NCAM1: variants seen among roughly 807,000 people sequenced by gnomAD.
NCAM1 encodes antigen recognized by monoclonal antibody 5.1H11.
In NCAM1, 14 loss-of-function variants were observed where a neutral mutation model predicts 109.8. The observed-to-expected ratio is 0.13, with a 90% CI of 0.08 to 0.20. The LOEUF is 0.20. Among genes scored for constraint, NCAM1 ranks in the 10% least tolerant of loss-of-function variants. The probability of loss-of-function intolerance (pLI) is 1.00; values close to 1 mark genes in which losing one functional copy is unlikely to be tolerated. For synonymous variants in NCAM1, 418 were observed against 442.9 expected, an observed-to-expected ratio of 0.94 and a Z score of 0.70; for missense variants, 774 against 1,109.9, an observed-to-expected ratio of 0.70 and a Z score of 4.30.
chr11:113,146,345 T>C (rs931078035), intron 1 of NCAM1, among the ~76,000 whole-genome samples: 49 of 152,228 alleles, frequency 3.2e-4, no homozygotes, highest in Admixed American at 7.9e-4. Context: ...AATTTTAAGA[T>C]AAAATGGGTA....
chr11:113,248,552 G>A (rs116487705), intron 15 of NCAM1, among the ~76,000 whole-genome samples: 1 of 152,050 alleles, frequency 6.6e-6, no homozygotes, highest in African/African-American at 2.4e-5. Context: ...AGAGTAAGCT[G>A]GGGGGTGAGG....
intron 1 of NCAM1, among the ~76,000 whole-genome samples, chr11:113,014,237 C>T (rs1414686785): frequency 6.6e-6 from 1 of 152,066 alleles, no homozygotes; most frequent in South Asian, 2.1e-4. Context: ...ATAAATAAAA[C>T]AGAGCTGTAC....
Position 112,962,443 on chromosome 11 carries a change from C to T in NCAM1, c.52+779C>T, listed in dbSNP as rs1378827377. 1.3e-5 allele frequency among the ~76,000 whole-genome samples: 2 copies of T among 151,766 alleles called. No individual in the cohort carries two copies. The highest frequency in any genetic ancestry group is 2.1e-4 in the South Asian group (1 of 4,812). On this transcript the variant is annotated intron_variant, in intron 1 of 19. Coordinates refer to ENST00000316851, the MANE Select transcript of NCAM1 (RefSeq NM_181351.5). The surrounding 1 kb of genome is among the most constrained non-coding windows in gnomAD (Gnocchi z 5.6). ...CGTGATTGGGGCTGCCTGGTGTGTGCGCGCGCGTGTGCGCGCGTGTGTCTT... is the reference window on the plus strand; with the variant it reads ...CGTGATTGGGGCTGCCTGGTGTGTGTGCGCGCGTGTGCGCGCGTGTGTCTT...
chr11:113,125,367 A>T (rs1258210641), intron 1 of NCAM1, among the ~76,000 whole-genome samples: 1 of 152,236 alleles, frequency 6.6e-6, no homozygotes, highest in Non-Finnish European at 1.5e-5. Context: ...CTCCAGAAAA[A>T]TACCAGCATA....
chr11:112,961,986 G>A (rs1380373922), intron 1 of NCAM1, among the ~76,000 whole-genome samples: 2 of 152,178 alleles, frequency 1.3e-5, no homozygotes, highest in Non-Finnish European at 1.5e-5. Context: ...GCTGGTGATG[G>A]GCAGCGCTCC....
At chr11:113,016,981 G>A (rs554537691) in intron 1 of NCAM1, among the ~76,000 whole-genome samples, 1 of 152,184 alleles carries the variant, frequency 6.6e-6, no homozygotes, top group Non-Finnish European at 1.5e-5. Context: ...ACCGATGTTT[G>A]CATTAAAGGA....
intron 1 of NCAM1, among the ~76,000 whole-genome samples, chr11:112,992,097 A>G (rs879961580): frequency 6.6e-6 from 1 of 152,154 alleles, no homozygotes; most frequent in Non-Finnish European, 1.5e-5. Flanking sequence ...ACTGTAGAGG[A>G]TGGTTCATTA....
chr11:113,072,318 G>A (rs1372120939), intron 1 of NCAM1, among the ~76,000 whole-genome samples: 5 of 152,166 alleles, frequency 3.3e-5, no homozygotes, highest in African/African-American at 9.7e-5. Context: ...GGGCACTGTC[G>A]TATTTCAAAT....
At chr11:112,964,444 T>C (rs915123068) in intron 1 of NCAM1, among the ~76,000 whole-genome samples, 11 of 152,226 alleles carry the variant, frequency 7.2e-5, no homozygotes, top group Non-Finnish European at 1.5e-4. Flanking sequence ...GTTTACTTGA[T>C]AATTTTGCAG....
intron 1 of NCAM1, among the ~76,000 whole-genome samples, chr11:113,135,016 C>T (rs576434931): frequency 6.6e-5 from 10 of 152,024 alleles, no homozygotes; most frequent in African/African-American, 2.2e-4. Flanking sequence ...GGGAACAAGA[C>T]CTTACCCGTC....
chr11:113,245,826 A>T (rs1292481157), intron 14 of NCAM1, among the ~76,000 whole-genome samples: 5 of 152,196 alleles, frequency 3.3e-5, no homozygotes, highest in Non-Finnish European at 5.9e-5. Flanking sequence ...TCTTCACCTT[A>T]AGACTCTCGG....
chr11:112,965,235 T>C (rs1591194077), intron 1 of NCAM1, among the ~76,000 whole-genome samples: 1 of 148,924 alleles, frequency 6.7e-6, no homozygotes. Context: ...ATTAAGATAG[T>C]AATTGCAAAG....
At chr11:113,185,548 A>C (rs563946262) in intron 1 of NCAM1, among the ~76,000 whole-genome samples, 1 of 152,270 alleles carries the variant, frequency 6.6e-6, no homozygotes, top group East Asian at 1.9e-4. Context: ...CATCACAATC[A>C]GTTTTAGTGT....
chr11:113,112,812 C>T (rs4492854), intron 1 of NCAM1, among the ~76,000 whole-genome samples: 85,395 of 151,752 alleles, frequency 0.56, 24,384 homozygotes, highest in Admixed American at 0.6. Context: ...GTGGAATCCC[C>T]CAACTTTTGG....
intron 1 of NCAM1, among the ~76,000 whole-genome samples, chr11:113,130,965 T>G (rs1555098219): frequency 6.6e-6 from 1 of 152,222 alleles, no homozygotes; most frequent in African/African-American, 2.4e-5. Flanking sequence ...GGTTGGACTA[T>G]GAGGAAAACT....
At chr11:113,275,143 G>A in intron 19 of NCAM1, 124 bp from the exon 20 acceptor site, 1 of 1,305,328 alleles carries the variant, frequency 7.7e-7, no homozygotes, top group Non-Finnish European at 1.0e-6. Flanking sequence ...ACGGGCAGAG[G>A]TTGGAGCCGG....
At chr11:113,004,542 C>G (rs961516749) in intron 1 of NCAM1, among the ~76,000 whole-genome samples, 9 of 151,414 alleles carry the variant, frequency 5.9e-5, no homozygotes, top group Admixed American at 2.0e-4. Flanking sequence ...CAAGAATTTT[C>G]ACTCACAATT....
rs141379962 is a variant in NCAM1 at position 113,213,481 on chromosome 11, C to T, written c.917-888C>T. On this transcript the variant is annotated intron_variant, in intron 7 of 19. Coordinates refer to ENST00000316851, the MANE Select transcript of NCAM1 (RefSeq NM_181351.5). ...CATCTCAACTCATCTCCTTCCCATC[C>T]TGAGCCCACCCCAGAGCCCCCATCC... 3.0e-4 allele frequency among the ~76,000 whole-genome samples: 46 copies of T among 152,318 alleles called. No individual in the cohort carries two copies. The East Asian group carries it at 6.7e-3, about 22-fold the overall frequency.
intron 1 of NCAM1, among the ~76,000 whole-genome samples, chr11:113,005,665 T>C (rs1483672691): frequency 6.6e-6 from 1 of 152,194 alleles, no homozygotes; most frequent in African/African-American, 2.4e-5. Flanking sequence ...AGTTTAACTG[T>C]AGTATTGAGA....
Sources: allele counts gnomAD v4.1 joint callset (sites outside exome capture counted in the v4.1 genomes callset), GRCh38; gene constraint gnomAD v4.1.1; non-coding constraint Gnocchi (gnomAD v3.1); transcripts MANE v1.5; gene names NCBI Gene and HGNC (gene_info 2026-07-23, HGNC 2026-07-21).